GRID2: variants seen among roughly 807,000 people sequenced by gnomAD.
GRID2 encodes glutamate ionotropic receptor delta type subunit 2, also known as glutamate receptor ionotropic, delta-2.
GRID2 carries 33 observed loss-of-function variants against 114.8 expected under a neutral mutation model. The observed-to-expected ratio is 0.29, with a 90% CI of 0.22 to 0.38. The LOEUF is 0.38. Among genes scored for constraint, GRID2 ranks in the 10% least tolerant of loss-of-function variants. The pLI, the probability that GRID2 is intolerant of heterozygous loss-of-function variation, is 1.00. For synonymous variants in GRID2, 505 were observed against 449.9 expected (o/e 1.12, Z -1.55); for missense variants, 1,184 against 1,257.7 (o/e 0.94, Z 0.89).
intron 4 of GRID2, among the ~76,000 whole-genome samples, chr4:93,123,184 TCTC>T (rs1733955532): frequency 6.6e-6 from 1 of 152,002 alleles, no homozygotes; most frequent in Admixed American, 6.6e-5. Flanking sequence ...GCTACTAACT[TCTC>T]CTAACAGCCT....
Position 92,375,842 on chromosome 4 carries a change from A to G in GRID2, c.88+71098A>G, listed in dbSNP as rs553608596. ...AGAAAAAATGCCTGATGAATATGCAATTTAATAGGTAATTGTATTATGTAA... is the reference window on the plus strand; with the variant it reads ...AGAAAAAATGCCTGATGAATATGCAGTTTAATAGGTAATTGTATTATGTAA... On this transcript the variant is annotated intron_variant, in intron 1 of 15. Transcript: ENST00000282020. 9.2e-5 allele frequency among the ~76,000 whole-genome samples: 14 copies of G among 152,330 alleles called. No individual in the cohort carries two copies. In the South Asian group the frequency reaches 2.3e-3, roughly 25 times the overall value.
chr4:92,989,709 C>T (rs558525098), intron 2 of GRID2, among the ~76,000 whole-genome samples: 97 of 152,242 alleles, frequency 6.4e-4, no homozygotes, highest in African/African-American at 2.1e-3. Context: ...TATGCATCTG[C>T]TGCACTAAAG....
intron 13 of GRID2, among the ~76,000 whole-genome samples, chr4:93,542,915 G>C (rs185930944): frequency 6.6e-6 from 1 of 151,982 alleles, no homozygotes; most frequent in Non-Finnish European, 1.5e-5. Context: ...CCATGCTTGC[G>C]TAGATCCTGG....
intron 2 of GRID2, among the ~76,000 whole-genome samples, chr4:93,064,915 A>G (rs1728153359): frequency 6.6e-6 from 1 of 151,792 alleles, no homozygotes; most frequent in African/African-American, 2.4e-5. Flanking sequence ...TTCCAAGTAG[A>G]TTGTTACTTG....
At chr4:92,587,744 A>G (rs1452342792) in intron 1 of GRID2, among the ~76,000 whole-genome samples, 1 of 152,152 alleles carries the variant, frequency 6.6e-6, no homozygotes, top group African/African-American at 2.4e-5. Context: ...GGATTGACTA[A>G]TGTGCTATCA....
At chr4:93,287,336 T>A (rs1027963316) in intron 8 of GRID2, among the ~76,000 whole-genome samples, 5 of 152,160 alleles carry the variant, frequency 3.3e-5, no homozygotes, top group African/African-American at 1.2e-4. Flanking sequence ...TACTTGTTTA[T>A]CCAAGGCAAC....
chr4:93,396,473 T>C (rs1440192195), intron 9 of GRID2, among the ~76,000 whole-genome samples: 1 of 151,880 alleles, frequency 6.6e-6, no homozygotes, highest in Admixed American at 6.6e-5. Context: ...AAGGGATGAG[T>C]CACATCCAGG....
intron 1 of GRID2, among the ~76,000 whole-genome samples, chr4:92,587,741 C>T (rs1372004604): frequency 3.3e-5 from 5 of 152,122 alleles, no homozygotes; most frequent in African/African-American, 9.7e-5. Context: ...AAAGGATTGA[C>T]TAATGTGCTA....
At chr4:92,428,522 G>A (rs1028016056) in intron 1 of GRID2, among the ~76,000 whole-genome samples, 21 of 151,880 alleles carry the variant, frequency 1.4e-4, no homozygotes, top group African/African-American at 5.1e-4. Context: ...GTATATTCCC[G>A]TATATTCTTT....
chr4:92,608,279 A>G (rs1045773500), intron 2 of GRID2, among the ~76,000 whole-genome samples: 4 of 151,822 alleles, frequency 2.6e-5, no homozygotes, highest in Non-Finnish European at 5.9e-5. Flanking sequence ...ATGATTCAGC[A>G]AGTAAAATTG....
intron 12 of GRID2, among the ~76,000 whole-genome samples, chr4:93,502,955 T>G (rs1728270326): frequency 6.6e-6 from 1 of 152,086 alleles, no homozygotes; most frequent in African/African-American, 2.4e-5. Context: ...TGCTGTTGTC[T>G]TGGGAGTGTG....
At chr4:93,141,744 G>C (rs1170248811) in intron 4 of GRID2, among the ~76,000 whole-genome samples, 1 of 152,146 alleles carries the variant, frequency 6.6e-6, no homozygotes, top group African/African-American at 2.4e-5. Context: ...TTTAGCTTTG[G>C]AACATGGCTT....
chr4:93,112,481 C>T (rs535588898), intron 4 of GRID2, among the ~76,000 whole-genome samples: 3 of 152,048 alleles, frequency 2.0e-5, no homozygotes, highest in Non-Finnish European at 2.9e-5. Context: ...GTTTCTGCTG[C>T]GCTCTGACTC....
intron 9 of GRID2, among the ~76,000 whole-genome samples, chr4:93,411,365 A>G (rs1247767497): frequency 6.6e-6 from 1 of 152,186 alleles, no homozygotes. Flanking sequence ...TTCAAATTCA[A>G]AAATGTAGCT....
intron 13 of GRID2, among the ~76,000 whole-genome samples, chr4:93,607,936 T>G (rs1157070100): frequency 6.6e-6 from 1 of 151,956 alleles, no homozygotes; most frequent in Admixed American, 6.6e-5. Context: ...TCCCCCATGT[T>G]CCAATTTTTT....
chr4:92,999,033 A>T (rs779276102), intron 2 of GRID2, among the ~76,000 whole-genome samples: 1 of 151,708 alleles, frequency 6.6e-6, no homozygotes, highest in Non-Finnish European at 1.5e-5. Flanking sequence ...GCTGGTCCTT[A>T]TTGTATTGGT....
intron 2 of GRID2, among the ~76,000 whole-genome samples, chr4:92,997,963 C>T (rs1755306576): frequency 1.3e-5 from 2 of 151,944 alleles, no homozygotes; most frequent in South Asian, 2.1e-4. Flanking sequence ...ACATATCAGA[C>T]ATATCTTATG....
intron 14 of GRID2, among the ~76,000 whole-genome samples, chr4:93,633,889 C>A (rs912397308): frequency 6.6e-6 from 1 of 152,204 alleles, no homozygotes; most frequent in Middle Eastern, 3.4e-3. Context: ...TTCTGTTCAC[C>A]ATTCAGCAAG....
chr4:92,825,906 T>C (rs564221828), intron 2 of GRID2, among the ~76,000 whole-genome samples: 1 of 152,140 alleles, frequency 6.6e-6, no homozygotes, highest in Non-Finnish European at 1.5e-5. Context: ...ATGTCCTAAC[T>C]GCTTAAGCCA....
Sources: gnomAD v4.1 joint callset for allele counts (sites outside exome capture counted in the v4.1 genomes callset) on GRCh38, gnomAD v4.1.1 for gene constraint, MANE v1.5 for transcripts, NCBI Gene and HGNC (gene_info 2026-07-23, HGNC 2026-07-21) for gene names.